Variants in CMYA5 observed in about 807,000 individuals in gnomAD.
CMYA5 encodes the protein cardiomyopathy-associated protein 5.
In CMYA5, 246 loss-of-function variants were observed where a neutral mutation model predicts 318.9. The observed-to-expected ratio is 0.77, with a 90% CI of 0.70 to 0.86. The LOEUF (loss-of-function observed/expected upper bound fraction) is 0.86, where lower values mean the gene tolerates loss of function less well. Among genes scored for constraint, CMYA5 ranks in the 40% least tolerant of loss-of-function variants. The pLI is 0.00. For synonymous variants in CMYA5, 1,641 were observed against 1,729.5 expected (o/e 0.95, Z 1.27); for missense variants, 4,589 against 4,678.2 (o/e 0.98, Z 0.56).
chr5:79,737,969 A>G lies in CMYA5; in HGVS notation c.9204A>G (p.Glu3068=). The change falls in exon 2 of 13, where the codon GAA becomes GAG. Residue 3068 remains glutamate, a synonymous_variant. Coordinates refer to ENST00000446378, the MANE Select transcript of CMYA5 (RefSeq NM_153610.5). The part of the protein sequence containing the change: ...LIDYNISPDP[E]KQKAPQKLNV... ...ATTATAACATCTCCCCAGACCCAGA[A>G]AAACAGAAAGCTCCACAGAAATTAA... is the stretch of plus-strand genomic sequence containing the variant. The G allele has an allele frequency of 6.2e-7, 1 of 1,613,474 alleles. No individual in the cohort carries two copies. The highest frequency in any genetic ancestry group is 1.1e-5 in the South Asian group (1 of 90,954).
At chr5:79,789,214 G>A in intron 10 of CMYA5, 110 bp downstream of exon 10, 2 of 1,262,872 alleles carry the variant, frequency 1.6e-6, no homozygotes, top group Non-Finnish European at 2.2e-6. Context: ...CCTACTGTCA[G>A]TGGTAGGTTT....
At chr5:79,757,744 A>G (rs953525569) in intron 6 of CMYA5, among the ~76,000 whole-genome samples, 7 of 152,214 alleles carry the variant, frequency 4.6e-5, no homozygotes, top group Admixed American at 4.6e-4. Flanking sequence ...GTTTTGAAGG[A>G]TAAGCAAGTC....
At chr5:79,739,737 C>A (rs2151088918) in intron 2 of CMYA5, among the ~76,000 whole-genome samples, 1 of 152,172 alleles carries the variant, frequency 6.6e-6, no homozygotes, top group East Asian at 1.9e-4. Context: ...AATCTCAGCA[C>A]TTTGAGAGAC....
chr5:79,731,951 G>A lies in CMYA5; in HGVS notation c.3186G>A (p.Gln1062=), dbSNP rs754184789. The A allele has an allele frequency of 6.2e-7, 1 of 1,613,242 alleles. No homozygotes were observed. Among genetic ancestry groups the A allele is most frequent in the Non-Finnish European group, 8.5e-7 (1 of 1,179,650 alleles). ...TATCTGAGCAGTTCAGTTCATCACA[G>A]AAGCAAAAAGCTGAAACTTTCCCTT... The part of the protein sequence containing the change: ...TPVSEQFSSS[Q]KQKAETFPLM... The change falls in exon 2 of 13, where the codon CAG becomes CAA. Residue 1062 remains glutamine, a synonymous_variant. Transcript: ENST00000446378.
chr5:79,731,999 A>G lies in CMYA5; in HGVS notation c.3234A>G (p.Leu1078=), dbSNP rs552743695. ...CTTTGATGTCTCCGCTTGAAGACTTAAGTCTGCCGCCTTCAACAGATAAAT... is the reference window on the plus strand; with the variant it reads ...CTTTGATGTCTCCGCTTGAAGACTTGAGTCTGCCGCCTTCAACAGATAAAT... ...TFPLMSPLED[L]SLPPSTDKSE... Residue 1078 remains leucine, a synonymous_variant, in exon 2 of 13, where the codon TTA becomes TTG. Coordinates refer to ENST00000446378, the MANE Select transcript of CMYA5 (RefSeq NM_153610.5). 2.5e-6 allele frequency: 4 copies of G among 1,613,944 alleles called. No individual in the cohort carries two copies. The Admixed American group carries it at 6.7e-5, about 27-fold the overall frequency.
rs1828324546 is a variant in CMYA5, at chr5:79,746,481, C to A, written c.10969-610C>A. Among the ~76,000 whole-genome samples, 4 of 147,500 alleles carry A rather than the reference C, an allele frequency of 2.7e-5. No individual in the cohort carries two copies. The South Asian group carries it at 8.4e-4, about 31-fold the overall frequency. On this transcript the variant is annotated intron_variant, in intron 4 of 12. Coordinates refer to ENST00000446378, the MANE Select transcript of CMYA5 (RefSeq NM_153610.5). ...AATGTTAATTAAGTGCTTTTTGTTC[C>A]CTGAGAACCTTATCTTTGTTCTGTA...
At position 79,730,953 on chromosome 5, in the gene CMYA5, A is replaced by G. The variant is rs965404711; in HGVS notation, c.2188A>G (p.Met730Val). Reference sequence around the variant, plus strand: ...AATATTGAAAGGTGTTTCTGAGTACATGATTCCATCAGAAGAGAAGGAAGA... The same window carrying G: ...AATATTGAAAGGTGTTTCTGAGTACGTGATTCCATCAGAAGAGAAGGAAGA... ...PLILKGVSEYMIPSEEKEDTG... is the reference protein window; with the variant it reads ...PLILKGVSEYVIPSEEKEDTG... Residue 730 changes from methionine to valine, a missense_variant, in exon 2 of 13, where the codon ATG becomes GTG. By Grantham distance (21) the Met-to-Val change is conservative. Around this residue, in one of 3 missense-constraint regions of CMYA5, gnomAD observed 2,132 missense variants for 2,131.3 expected, o/e 1.00. Coordinates refer to ENST00000446378, the MANE Select transcript of CMYA5 (RefSeq NM_153610.5). The G allele has an allele frequency of 1.2e-6, 2 of 1,613,934 alleles. No homozygotes were observed. Among genetic ancestry groups the G allele is most frequent in the Non-Finnish European group, 1.7e-6 (2 of 1,179,868 alleles).
intron 9 of CMYA5, among the ~76,000 whole-genome samples, chr5:79,787,289 A>C (rs1829099204): frequency 6.6e-6 from 1 of 152,182 alleles, no homozygotes; most frequent in Non-Finnish European, 1.5e-5. Context: ...TAAGTGATCA[A>C]TACATATTTA....
chr5:79,729,447 AAAATT>A lies in CMYA5; in HGVS notation c.685_689del (p.Ile229AspfsTer3). On this transcript the variant is annotated frameshift_variant, in exon 2 of 13. Coordinates refer to ENST00000446378, the MANE Select transcript of CMYA5 (RefSeq NM_153610.5). LOFTEE classifies it high-confidence loss of function. ...AGTCTACATAGGAACAGTACAATAT[AAAATT>A]AAGATGTTTAATTCGGTTAAAGAAG... is the stretch of plus-strand genomic sequence containing the variant. 6.2e-7 allele frequency: 1 copy of A among 1,612,602 alleles called. No individual in the cohort carries two copies. Among genetic ancestry groups the A allele is most frequent in the East Asian group, 2.2e-5 (1 of 44,862 alleles).
chr5:79,752,640 A>G, intron 5 of CMYA5, 36 bp from the exon 6 acceptor site: 1 of 1,456,730 alleles, frequency 6.9e-7, no homozygotes, highest in Non-Finnish European at 9.5e-7. Flanking sequence ...TATGTTAATA[A>G]TTTTTTAACT....
Position 79,758,797 on chromosome 5 carries a change from A to G in CMYA5, c.11155A>G (p.Thr3719Ala). 6.2e-7 allele frequency: 1 copy of G among 1,601,494 alleles called. No individual in the cohort carries two copies. The highest frequency in any genetic ancestry group is 8.5e-7 in the Non-Finnish European group (1 of 1,174,090). Residue 3719 changes from threonine (T) to alanine (A), a missense_variant, in exon 7 of 13, where the codon ACC becomes GCC. By Grantham distance (58) the Thr-to-Ala change is moderately conservative. Transcript: ENST00000446378. ...RLEPQEPNSA[T>A]STTIAVYWSM... is the part of the protein sequence containing the mutation. The stretch of plus-strand genomic sequence containing the variant: ...AGAACCTCAGGAACCAAATTCTGCC[A>G]CCAGCACAACAATTGCAGTTTACTG...
At chr5:79,747,757 A>C (rs1828355158) in intron 5 of CMYA5, among the ~76,000 whole-genome samples, 1 of 152,208 alleles carries the variant, frequency 6.6e-6, no homozygotes, top group South Asian at 2.1e-4. Flanking sequence ...TATCCAACAG[A>C]TCTGACACGT....
intron 1 of CMYA5, among the ~76,000 whole-genome samples, chr5:79,706,353 G>C (rs1827273240): frequency 6.6e-6 from 1 of 152,144 alleles, no homozygotes; most frequent in Admixed American, 6.5e-5. Flanking sequence ...TTCTAACAGA[G>C]CCTTAAAACA....
intron 8 of CMYA5, chr5:79,762,817 T>A: frequency 2.2e-6 from 1 of 459,846 alleles, no homozygotes. Context: ...CTAGTGGGAT[T>A]TATAGGAAGC....
In CMYA5 at chr5:79,731,681, C is replaced by A. The variant is rs368673611; in HGVS notation, c.2916C>A (p.Cys972Ter). ...TQEAEKREFE[C>*]DSPICLTSPS... ...AAGCAGAGAAAAGAGAATTTGAGTG[C>A]GATTCTCCAATATGTTTAACATCAC... The change falls in exon 2 of 13, where the codon TGC becomes TGA. Residue 972 changes from cysteine to a stop codon, truncating the protein, a stop_gained. Transcript: ENST00000446378. LOFTEE classifies it high-confidence loss of function. The A allele has an allele frequency of 1.5e-5, 24 of 1,613,708 alleles. No individual in the cohort carries two copies. Among genetic ancestry groups the A allele is most frequent in the Non-Finnish European group, 1.9e-5 (22 of 1,179,840 alleles).
At chr5:79,700,421 A>G (rs4441859) in intron 1 of CMYA5, among the ~76,000 whole-genome samples, 66,394 of 152,086 alleles carry the variant, frequency 0.44, 16,576 homozygotes, top group African/African-American at 0.69. Context: ...CTCATAAATC[A>G]TGGGAAGGTT....
intron 1 of CMYA5, among the ~76,000 whole-genome samples, chr5:79,724,361 C>A (rs1265438942): frequency 1.3e-5 from 2 of 152,114 alleles, no homozygotes; most frequent in African/African-American, 4.8e-5. Flanking sequence ...TAACATTCAT[C>A]ATTTTAAAAA....
At position 79,799,871 on chromosome 5, in the gene CMYA5, A is replaced by AT; in HGVS notation, c.*255_*256insT. The AT allele has an allele frequency of 5.4e-6, 1 of 186,850 alleles. No homozygotes were observed. Among genetic ancestry groups the AT allele is most frequent in the East Asian group, 1.2e-4 (1 of 8,190 alleles). 11.6% of individuals were successfully genotyped at this position (186,850 alleles called of 1,614,324 possible). On this transcript the variant is annotated 3_prime_UTR_variant, in exon 13 of 13. Coordinates refer to ENST00000446378, the MANE Select transcript of CMYA5 (RefSeq NM_153610.5). ...ATAAGTTTGAGTTCTTTCCTAAATT[A>AT]AAAGATCTACACTTGAGTTGGGAAC...
chr5:79,699,967 G>A (rs953314037), intron 1 of CMYA5, among the ~76,000 whole-genome samples: 27 of 152,346 alleles, frequency 1.8e-4, no homozygotes, highest in Non-Finnish European at 4.4e-5. Flanking sequence ...GGATAATACA[G>A]CCTTTGTGGC....
Sources: allele counts gnomAD v4.1 joint callset (sites outside exome capture counted in the v4.1 genomes callset), GRCh38; gene constraint gnomAD v4.1.1; regional missense constraint gnomAD v4.1.1; transcripts MANE v1.5; gene names NCBI Gene and HGNC (gene_info 2026-07-23, HGNC 2026-07-21).